VGLL4: variants seen among roughly 807,000 people sequenced by gnomAD.
VGLL4 encodes vestigial like family member 4.
VGLL4 carries 7 observed loss-of-function variants against 21.0 expected under a neutral mutation model. That is an observed-to-expected ratio of 0.33 (90% CI 0.19 to 0.63). The LOEUF is 0.63. VGLL4 is among the 20% of genes least tolerant of loss of function. The probability of loss-of-function intolerance (pLI) is 0.78; values close to 1 mark genes in which losing one functional copy is unlikely to be tolerated. For synonymous variants in VGLL4, 222 were observed against 173.2 expected (o/e 1.28, Z -2.21); for missense variants, 394 against 425.7 (o/e 0.93, Z 0.66).
At chr3:11,628,009 T>C (rs967136979) in intron 1 of VGLL4, among the ~76,000 whole-genome samples, 2 of 152,238 alleles carry the variant, frequency 1.3e-5, no homozygotes, top group Non-Finnish European at 2.9e-5. Flanking sequence ...GAGAGGCTTC[T>C]GAAGGCCCTC....
chr3:11,583,855 C>T (rs10865708), intron 2 of VGLL4, among the ~76,000 whole-genome samples: 40,292 of 152,188 alleles, frequency 0.26, 5,958 homozygotes, highest in East Asian at 0.36. Flanking sequence ...ATCTCCCCAA[C>T]GCACCCAACC....
At chr3:11,604,017 A>G (rs1437674607) in intron 1 of VGLL4, among the ~76,000 whole-genome samples, 1 of 152,204 alleles carries the variant, frequency 6.6e-6, no homozygotes, top group Non-Finnish European at 1.5e-5. Context: ...GCTTATCTTT[A>G]AGACTGAATC....
chr3:11,626,874 G>A (rs968596717), intron 1 of VGLL4, among the ~76,000 whole-genome samples: 4 of 149,572 alleles, frequency 2.7e-5, no homozygotes, highest in Non-Finnish European at 5.9e-5. Flanking sequence ...ATACAGAGAA[G>A]TGCTAATGGT....
chr3:11,620,034 G>A (rs1316812076), intron 1 of VGLL4, among the ~76,000 whole-genome samples: 1 of 121,682 alleles, frequency 8.2e-6, no homozygotes, highest in African/African-American at 2.8e-5. Flanking sequence ...GAGAAAAAGA[G>A]GAGAGAGTGC....
chr3:11,712,588 G>A (rs1410896383), intron 1 of VGLL4, among the ~76,000 whole-genome samples: 1 of 151,950 alleles, frequency 6.6e-6, no homozygotes, highest in African/African-American at 2.4e-5. Context: ...AAGAAAAATT[G>A]AGGCACCAAG....
intron 2 of VGLL4, chr3:11,693,120 A>G (rs1273962953): frequency 4.6e-6 from 1 of 217,776 alleles, no homozygotes; most frequent in South Asian, 4.9e-5. Flanking sequence ...GCAGTGAGCC[A>G]AGATTGTGCC....
intron 2 of VGLL4, among the ~76,000 whole-genome samples, chr3:11,581,207 C>T (rs1195414712): frequency 6.6e-6 from 1 of 152,076 alleles, no homozygotes; most frequent in African/African-American, 2.4e-5. Context: ...GTTAGGATTA[C>T]AGGCATGCAC....
intron 2 of VGLL4, among the ~76,000 whole-genome samples, chr3:11,590,722 A>T (rs2125243841): frequency 6.6e-6 from 1 of 152,072 alleles, no homozygotes; most frequent in Admixed American, 6.6e-5. Flanking sequence ...TTTAACCCAT[A>T]GAAACAGCAA....
rs952803165 is a variant in VGLL4, at chr3:11,566,534, G to T, written c.273-1515C>A. 4.6e-5 allele frequency among the ~76,000 whole-genome samples: 7 copies of T among 152,170 alleles called. 1 individual carries two copies. In the South Asian group the frequency reaches 1.5e-3, roughly 32 times the overall value. ...CAGCACGGGCCTTGGTAGCCTCTGG[G>T]CCTGACCACCTTCCCGTCCTCATCT... On this transcript the variant is annotated intron_variant, in intron 2 of 4. Transcript: ENST00000430365.
chr3:11,595,142 C>G (rs2074604849), intron 2 of VGLL4, among the ~76,000 whole-genome samples: 1 of 151,938 alleles, frequency 6.6e-6, no homozygotes, highest in Non-Finnish European at 1.5e-5. Context: ...GCCTGGGCAA[C>G]AAGAGTGAAA....
At chr3:11,560,883 G>A (rs2072924394) in intron 3 of VGLL4, among the ~76,000 whole-genome samples, 1 of 152,192 alleles carries the variant, frequency 6.6e-6, no homozygotes, top group Admixed American at 6.5e-5. Context: ...AGGGCCTCGG[G>A]TGAGAGACTT....
chr3:11,562,302 T>C (rs1290821297), intron 3 of VGLL4, among the ~76,000 whole-genome samples: 1 of 152,102 alleles, frequency 6.6e-6, no homozygotes, highest in African/African-American at 2.4e-5. Context: ...AAACATGAAA[T>C]GGGGGGACAC....
At chr3:11,710,552 G>A (rs1044434253) in intron 1 of VGLL4, 1 of 152,116 alleles carries the variant, frequency 6.6e-6, no homozygotes, top group Non-Finnish European at 1.5e-5. Flanking sequence ...ACAGTAACAG[G>A]GCCAAAAGTC....
At chr3:11,582,663 T>A (rs562097161) in intron 2 of VGLL4, among the ~76,000 whole-genome samples, 8 of 152,318 alleles carry the variant, frequency 5.3e-5, no homozygotes, top group Non-Finnish European at 8.8e-5. Flanking sequence ...AAGGCTTTTA[T>A]AAAACTTCAA....
At chr3:11,635,731 TA>T (rs2075573744) in intron 1 of VGLL4, among the ~76,000 whole-genome samples, 1 of 152,228 alleles carries the variant, frequency 6.6e-6, no homozygotes, top group African/African-American at 2.4e-5. Context: ...AAACTGGTGT[TA>T]ACTGCTCCGA....
chr3:11,560,462 G>T (rs1171365474), intron 3 of VGLL4, among the ~76,000 whole-genome samples: 2 of 152,212 alleles, frequency 1.3e-5, no homozygotes, highest in South Asian at 4.1e-4. Context: ...CAGCCAGAGG[G>T]ACGCTGGGCC....
intron 1 of VGLL4, among the ~76,000 whole-genome samples, chr3:11,713,902 C>CA (rs1193133315): frequency 6.6e-6 from 1 of 152,086 alleles, no homozygotes; most frequent in Non-Finnish European, 1.5e-5. Context: ...CTCAACCACT[C>CA]AAGGTTTCCT....
chr3:11,591,409 T>C (rs574357320), intron 2 of VGLL4, among the ~76,000 whole-genome samples: 2 of 152,356 alleles, frequency 1.3e-5, no homozygotes, highest in South Asian at 4.1e-4. Context: ...CTCTGACTCC[T>C]GTCCCCCCTT....
intron 1 of VGLL4, among the ~76,000 whole-genome samples, chr3:11,620,069 G>C (rs2075236006): frequency 6.6e-6 from 1 of 152,262 alleles, no homozygotes; most frequent in African/African-American, 2.4e-5. Flanking sequence ...TTAGTAATCA[G>C]GATGTTGGGT....
Sources: allele counts gnomAD v4.1 joint callset (sites outside exome capture counted in the v4.1 genomes callset), GRCh38; gene constraint gnomAD v4.1.1; transcripts MANE v1.5; gene names NCBI Gene and HGNC (gene_info 2026-07-23, HGNC 2026-07-21).